IRF8: variants seen among roughly 807,000 people sequenced by gnomAD.
IRF8 encodes the protein interferon consensus sequence binding protein 1.
In IRF8, 14 loss-of-function variants were observed where a neutral mutation model predicts 48.7. The ratio of observed to expected loss-of-function variants is 0.29; its 90% CI spans 0.19 to 0.45. The LOEUF (loss-of-function observed/expected upper bound fraction) is 0.45. Among genes scored for constraint, IRF8 ranks in the 20% least tolerant of loss-of-function variants. The pLI is 1.00. For synonymous variants in IRF8, 278 were observed against 227.3 expected (o/e 1.22, Z -2.01); for missense variants, 493 against 580.7 (o/e 0.85, Z 1.55).
At chr16:85,904,760 G>T (rs1372799045) in intron 2 of IRF8, among the ~76,000 whole-genome samples, 1 of 145,064 alleles carries the variant, frequency 6.9e-6, no homozygotes, top group Non-Finnish European at 1.5e-5. Flanking sequence ...GCCACTGCCT[G>T]CCTCCTCACC....
chr16:85,918,831 C>T, intron 7 of IRF8, 28 bp downstream of exon 7: 1 of 1,602,784 alleles, frequency 6.2e-7, no homozygotes, highest in Non-Finnish European at 8.5e-7. Flanking sequence ...CTTGCTGCCC[C>T]CACATCTTAG....
rs1904876257 is a variant in IRF8, at chr16:85,903,048, A to C, written c.33A>C (p.Arg11=). Residue 11 remains arginine, a synonymous_variant, in exon 2 of 9, where the codon CGA becomes CGC. Coordinates refer to ENST00000268638, the MANE Select transcript of IRF8 (RefSeq NM_002163.4). MCDRNGGRRL[R]QWLIEQIDSS... is the part of the protein sequence containing the mutation. ...ACCGGAATGGTGGTCGGCGGCTTCG[A>C]CAGTGGCTGATCGAGCAGATTGACA... is the stretch of plus-strand genomic sequence containing the variant. 6.2e-7 allele frequency: 1 copy of C among 1,614,104 alleles called. No individual in the cohort carries two copies. The highest frequency in any genetic ancestry group is 1.3e-5 in the African/African-American group (1 of 74,932).
At position 85,920,216 on chromosome 16, in the gene IRF8, C is replaced by G. The variant is rs765588362; in HGVS notation, c.1096C>G (p.Leu366Val). The G allele has an allele frequency of 9.3e-6, 11 of 1,187,998 alleles. No individual in the cohort carries two copies. The highest frequency in any genetic ancestry group is 1.4e-5 in the Non-Finnish European group (11 of 803,254). 73.6% of individuals were successfully genotyped at this position (1,187,998 alleles called of 1,614,324 possible). A position where few individuals can be genotyped will look rare whatever the true frequency, so the allele number is the denominator to read the frequency against. ...GGCCCCCTTGCGCTCCAAACTCATTCTCGTGCAGGTAAGTATGGGCAGCTT... is the reference window on the plus strand; with the variant it reads ...GGCCCCCTTGCGCTCCAAACTCATTGTCGTGCAGGTAAGTATGGGCAGCTT... ...DMAPLRSKLI[L>V]VQIEQLYVRQ... Residue 366 changes from leucine to valine, a missense_variant, in exon 8 of 9, where the codon CTC becomes GTC. Around this residue, in one of 3 missense-constraint regions of IRF8, gnomAD observed 408 missense variants for 449.6 expected, o/e 0.91. Coordinates refer to ENST00000268638, the MANE Select transcript of IRF8 (RefSeq NM_002163.4).
intron 6 of IRF8, among the ~76,000 whole-genome samples, chr16:85,916,297 C>T (rs866842362): frequency 1.3e-5 from 2 of 152,222 alleles, no homozygotes; most frequent in South Asian, 4.1e-4. Flanking sequence ...AGCAGCTGGG[C>T]TGGGACCGCA....
chr16:85,909,313 A>C (rs1905082801), intron 3 of IRF8, 140 bp downstream of exon 3: 1 of 736,896 alleles, frequency 1.4e-6, no homozygotes, highest in Non-Finnish European at 2.4e-6. Flanking sequence ...CCTTCGTGTA[A>C]GCAGAAATTG....
At chr16:85,914,683 G>A (rs1330974912) in intron 6 of IRF8, among the ~76,000 whole-genome samples, 163 bp downstream of exon 6, 3 of 151,868 alleles carry the variant, frequency 2.0e-5, no homozygotes, top group Non-Finnish European at 4.4e-5. Context: ...TCTAGGCTCC[G>A]TTCCGAGGAT....
In IRF8 at chr16:85,911,540, G is replaced by T. The variant is rs754084387; in HGVS notation, c.359-30G>T. 3.1e-6 allele frequency: 5 copies of T among 1,587,614 alleles called. No homozygotes were observed. In the South Asian group the frequency reaches 5.5e-5, roughly 18 times the overall value. On this transcript the variant is annotated intron_variant, in intron 3 of 8. Transcript: ENST00000268638. The stretch of plus-strand genomic sequence containing the variant: ...AAAGGCTGTGATGCCTCCGTGCCAT[G>T]TGTCATGGTGTTTGTCTGGTTTTCT...
intron 6 of IRF8, among the ~76,000 whole-genome samples, chr16:85,916,715 C>T (rs1905320278): frequency 6.6e-6 from 1 of 152,146 alleles, no homozygotes; most frequent in Admixed American, 6.5e-5. Context: ...TTGCCTGAAG[C>T]GTTTCATTCA....
chr16:85,913,377 G>C, intron 5 of IRF8, 141 bp downstream of exon 5: 2 of 690,248 alleles, frequency 2.9e-6, no homozygotes, highest in Non-Finnish European at 5.2e-6. Context: ...GAGAGGTGAA[G>C]AACGATGGCC....
intron 2 of IRF8, among the ~76,000 whole-genome samples, chr16:85,904,183 T>C (rs923475360): frequency 6.6e-6 from 1 of 152,196 alleles, no homozygotes; most frequent in Non-Finnish European, 1.5e-5. Context: ...ACACTACACG[T>C]AGTCTGAGTC....
At chr16:85,912,161 C>T (rs1026082901) in intron 4 of IRF8, among the ~76,000 whole-genome samples, 3 of 152,226 alleles carry the variant, frequency 2.0e-5, no homozygotes, top group Admixed American at 1.3e-4. Context: ...GATAACCAAG[C>T]ATGTTCACAT....
Position 85,909,152 on chromosome 16 carries a change from G to C in IRF8, c.337G>C (p.Val113Leu), listed in dbSNP as rs941328654. ...CGAGCCATACAAAGTTTACCGAATT[G>C]TTCCTGAGGAAGAGCAAAAATGTAA... ...ISEPYKVYRI[V>L]PEEEQKCKLG... The change falls in exon 3 of 9, where the codon GTT (valine) becomes CTT (leucine). Residue 113 changes from valine (V) to leucine (L), a missense_variant. Val to Leu is a conservative substitution (Grantham distance 32, BLOSUM62 1). Transcript: ENST00000268638. 2.5e-6 allele frequency: 4 copies of C among 1,614,078 alleles called. No individual in the cohort carries two copies. The highest frequency in any genetic ancestry group is 3.4e-6 in the Non-Finnish European group (4 of 1,180,044).
intron 7 of IRF8, among the ~76,000 whole-genome samples, chr16:85,919,168 A>C (rs1422563886): frequency 6.6e-6 from 1 of 152,166 alleles, no homozygotes; most frequent in East Asian, 1.9e-4. Flanking sequence ...TCCAGCCACA[A>C]GATCCGAACC....
At chr16:85,909,654 T>A (rs564576821) in intron 3 of IRF8, 1 of 185,276 alleles carries the variant, frequency 5.4e-6, no homozygotes, top group Non-Finnish European at 1.1e-5. Flanking sequence ...ATTTGGGAAC[T>A]CCGGGATGTG....
rs747919479 is a variant in IRF8, at chr16:85,918,369, C to T, written c.602-48C>T. 11 of 1,578,084 alleles carry T rather than the reference C, an allele frequency of 7.0e-6. 1 individual carries two copies. In the South Asian group the frequency reaches 1.3e-4, roughly 18 times the overall value. On this transcript the variant is annotated intron_variant, in intron 6 of 8. Transcript: ENST00000268638. ...GACTGTGCACTTGGGCAGGAGGGAC[C>T]CTGTATGTCTCCCCGCAGCACCGTC...
At chr16:85,902,976 T>C in intron 1 of IRF8, 39 bp from the exon 2 acceptor site, 1 of 1,610,982 alleles carries the variant, frequency 6.2e-7, no homozygotes, top group East Asian at 2.2e-5. Context: ...AATGAGACAA[T>C]ATCCGTAATA....
intron 6 of IRF8, among the ~76,000 whole-genome samples, chr16:85,914,762 G>A (rs894298045): frequency 3.3e-5 from 5 of 152,040 alleles, no homozygotes; most frequent in Non-Finnish European, 5.9e-5. Flanking sequence ...GGAAGTCGAG[G>A]CTCCGTTCCG....
At chr16:85,918,074 A>G (rs1905377317) in intron 6 of IRF8, among the ~76,000 whole-genome samples, 1 of 152,204 alleles carries the variant, frequency 6.6e-6, no homozygotes, top group South Asian at 2.1e-4. Flanking sequence ...TTGTCATAAG[A>G]AATGAGTTGT....
In IRF8 at chr16:85,922,541, T is replaced by C. The variant is rs1905620227; in HGVS notation, c.*1259T>C. 6.6e-6 allele frequency: 1 copy of C among 152,402 alleles called. No homozygotes were observed. The highest frequency in any genetic ancestry group is 2.4e-5 in the African/African-American group (1 of 41,478). The allele number at this position is 152,402 out of a possible 1,614,324, so 9.4% of individuals were successfully genotyped here. A position where few individuals can be genotyped will look rare whatever the true frequency, so the allele number is the denominator to read the frequency against. On this transcript the variant is annotated 3_prime_UTR_variant, in exon 9 of 9. Transcript: ENST00000268638. ...AATATGCTGAATGAATATTTATTTT[T>C]GTATCCATTAAAACAGTATATTGAT...
Sources: allele counts gnomAD v4.1 joint callset (sites outside exome capture counted in the v4.1 genomes callset), GRCh38; gene constraint gnomAD v4.1.1; regional missense constraint gnomAD v4.1.1; transcripts MANE v1.5; gene names NCBI Gene and HGNC (gene_info 2026-07-23, HGNC 2026-07-21).